The following PARP8 variants were observed in gnomAD, a reference collection of about 807,000 sequenced individuals.
The protein encoded by PARP8 is poly(ADP-ribose) polymerase family member 8.
In PARP8, 51 loss-of-function variants were observed where a neutral mutation model predicts 124.1. That is an observed-to-expected ratio of 0.41 (90% CI 0.33 to 0.52). The LOEUF (loss-of-function observed/expected upper bound fraction) is 0.52, where lower values mean the gene tolerates loss of function less well. PARP8 is among the 20% of genes least tolerant of loss of function. PARP8 has a pLI of 0.21. For missense variants in PARP8, 860 were observed against 1,018.9 expected, an observed-to-expected ratio of 0.84 and a Z score of 2.12; for synonymous variants, 391 against 361.5, an observed-to-expected ratio of 1.08 and a Z score of -0.93.
At chr5:50,730,935 G>A (rs748733867) in intron 2 of PARP8, among the ~76,000 whole-genome samples, 2 of 152,198 alleles carry the variant, frequency 1.3e-5, no homozygotes, top group Admixed American at 1.3e-4. Context: ...TGGCTCACAT[G>A]GGGCAGTAAC....
chr5:50,667,862 T>C (rs1028464869), intron 1 of PARP8: 115 of 1,424,554 alleles, frequency 8.1e-5, no homozygotes, highest in Non-Finnish European at 1.0e-4. Context: ...CACCCGGCAC[T>C]TGTTGCGGGG....
chr5:50,736,826 C>A (rs1321462738), intron 2 of PARP8, among the ~76,000 whole-genome samples: 3 of 151,928 alleles, frequency 2.0e-5, no homozygotes, highest in Non-Finnish European at 4.4e-5. Flanking sequence ...ATTCTTCATC[C>A]AAAACCAACC....
At chr5:50,732,650 G>A (rs932746150) in intron 2 of PARP8, among the ~76,000 whole-genome samples, 4 of 151,108 alleles carry the variant, frequency 2.6e-5, no homozygotes, top group East Asian at 2.0e-4. Flanking sequence ...ATGGAGTCTC[G>A]CTCTGTGGTC....
At chr5:50,815,072 G>T (rs570715178) in intron 14 of PARP8, among the ~76,000 whole-genome samples, 1 of 151,266 alleles carries the variant, frequency 6.6e-6, no homozygotes, top group African/African-American at 2.4e-5. Context: ...GCTCATTATT[G>T]TTATATCACC....
intron 2 of PARP8, among the ~76,000 whole-genome samples, chr5:50,692,623 C>T (rs889394946): frequency 2.0e-5 from 3 of 152,114 alleles, no homozygotes; most frequent in Non-Finnish European, 2.9e-5. Flanking sequence ...CTCATTTAGA[C>T]AACCCTACCT....
chr5:50,777,000 A>G (rs1040553864), intron 7 of PARP8, among the ~76,000 whole-genome samples: 7 of 152,154 alleles, frequency 4.6e-5, no homozygotes, highest in African/African-American at 1.4e-4. Context: ...GAATGTCGTA[A>G]TATTATCCAC....
Position 50,709,459 on chromosome 5 carries a change from T to C in PARP8, c.147-40692T>C, listed in dbSNP as rs1754495289. 2.0e-5 allele frequency among the ~76,000 whole-genome samples: 3 copies of C among 152,092 alleles called. No homozygotes were observed. The South Asian group carries it at 6.2e-4, about 32-fold the overall frequency. Reference sequence around the variant, plus strand: ...AGTTTCTTCTGTTCCTTTCACTGCTTCTGTTTCCTCCAAGTGTCATTTTTT... The same window carrying C: ...AGTTTCTTCTGTTCCTTTCACTGCTCCTGTTTCCTCCAAGTGTCATTTTTT... On this transcript the variant is annotated intron_variant, in intron 2 of 25. Coordinates refer to ENST00000281631, the MANE Select transcript of PARP8 (RefSeq NM_024615.4).
chr5:50,729,548 C>A (rs1209905193), intron 2 of PARP8, among the ~76,000 whole-genome samples: 7 of 152,106 alleles, frequency 4.6e-5, no homozygotes, highest in African/African-American at 1.7e-4. Context: ...ATAAAAGGAA[C>A]AGATAGATGG....
chr5:50,777,992 TAAATA>T (rs1740225335), intron 7 of PARP8, 72 bp from the exon 8 acceptor site: 1 of 1,101,348 alleles, frequency 9.1e-7, no homozygotes, highest in Non-Finnish European at 1.3e-6. Context: ...TTTAAAATTT[TAAATA>T]AAATAACCTA....
rs927223978 is a variant in PARP8, at chr5:50,832,933, T to A, written c.2307+79T>A. On this transcript the variant is annotated intron_variant, in intron 23 of 25. Coordinates refer to ENST00000281631, the MANE Select transcript of PARP8 (RefSeq NM_024615.4). ...GCCAGCAGAGCATGGAAAAATAGGC[T>A]TTTTAAGTCTGAAAAATTATTTAAT... The A allele has an allele frequency of 3.8e-6, 5 of 1,309,300 alleles. No individual in the cohort carries two copies. In the African/African-American group the frequency reaches 7.5e-5, roughly 20 times the overall value. 81.1% of individuals were successfully genotyped at this position (1,309,300 alleles called of 1,614,324 possible).
intron 2 of PARP8, among the ~76,000 whole-genome samples, chr5:50,678,346 G>T (rs1417611055): frequency 6.6e-6 from 1 of 152,066 alleles, no homozygotes; most frequent in Admixed American, 6.6e-5. Flanking sequence ...GTGTTTGTGT[G>T]TGTCTGTCAC....
chr5:50,713,579 TA>T (rs1338713415), intron 2 of PARP8, among the ~76,000 whole-genome samples: 2 of 152,082 alleles, frequency 1.3e-5, no homozygotes, highest in African/African-American at 4.8e-5. Flanking sequence ...ATTTTTTCAT[TA>T]ATCTGATAAT....
At chr5:50,682,220 A>C (rs114843718) in intron 2 of PARP8, among the ~76,000 whole-genome samples, 1,623 of 152,242 alleles carry the variant, frequency 0.011, 24 homozygotes, top group Non-Finnish European at 0.014. Context: ...TACATTCTCC[A>C]CTTTTCCTGA....
intron 16 of PARP8, among the ~76,000 whole-genome samples, 156 bp from the exon 17 acceptor site, chr5:50,822,179 A>T (rs1745832191): frequency 6.6e-6 from 1 of 152,158 alleles, no homozygotes; most frequent in South Asian, 2.1e-4. Flanking sequence ...ATCTTATTAT[A>T]GTCTTCCCTT....
chr5:50,835,213 G>C (rs1747432848), intron 25 of PARP8, among the ~76,000 whole-genome samples, 198 bp downstream of exon 25: 1 of 152,022 alleles, frequency 6.6e-6, no homozygotes, highest in African/African-American at 2.4e-5. Flanking sequence ...ACTTAGAAGA[G>C]CTCATGAAAA....
rs1362458989 is a variant in PARP8, at chr5:50,830,983, C to T, written c.2233+1022C>T. 2.0e-5 allele frequency among the ~76,000 whole-genome samples: 3 copies of T among 152,110 alleles called. No individual in the cohort carries two copies. In the East Asian group the frequency reaches 5.8e-4, roughly 29 times the overall value. On this transcript the variant is annotated intron_variant, in intron 22 of 25. Transcript: ENST00000281631. ...CCAGGTGAACATTAAAGAGAACTAC[C>T]TAATTTATTTACCAAAGTTCATGTT...
In PARP8 at chr5:50,755,262, A is replaced by C. The variant is rs190229510; in HGVS notation, c.185-4381A>C. Among the ~76,000 whole-genome samples, 273 of 152,294 alleles carry C rather than the reference A, an allele frequency of 1.8e-3. 1 individual carries two copies. The highest frequency in any genetic ancestry group is 6.2e-3 in the African/African-American group (259 of 41,560). On this transcript the variant is annotated intron_variant, in intron 3 of 25. Coordinates refer to ENST00000281631, the MANE Select transcript of PARP8 (RefSeq NM_024615.4). ...AGACATGAAGTCCTTGCCCATGTCT[A>C]TGTCCTGAATGATATTGCCTAGATT...
chr5:50,666,699 C>T lies in PARP8; in HGVS notation c.-397C>T, dbSNP rs1406806367. The T allele has an allele frequency of 4.0e-5, 9 of 223,238 alleles. No individual in the cohort carries two copies. The highest frequency in any genetic ancestry group is 7.1e-5 in the Non-Finnish European group (9 of 126,888). The allele number at this position is 223,238 out of a possible 1,614,324, so 13.8% of individuals were successfully genotyped here. A position where few individuals can be genotyped will look rare whatever the true frequency, so the allele number is the denominator to read the frequency against. On this transcript the variant is annotated 5_prime_UTR_variant, in exon 1 of 26. Coordinates refer to ENST00000281631, the MANE Select transcript of PARP8 (RefSeq NM_024615.4). ...GCGTGAGCCGGAGCGGGGCTCGCCC[C>T]TCGCCGGCGCCCGCCGCCCAGCCGG...
chr5:50,695,805 A>T (rs542381923), intron 2 of PARP8, among the ~76,000 whole-genome samples: 3 of 152,274 alleles, frequency 2.0e-5, no homozygotes, highest in Non-Finnish European at 4.4e-5. Context: ...AGTGTACCTG[A>T]ACAATGTTTT....
Sources: gnomAD v4.1 joint callset for allele counts (sites outside exome capture counted in the v4.1 genomes callset) on GRCh38, gnomAD v4.1.1 for gene constraint, MANE v1.5 for transcripts, NCBI Gene and HGNC (gene_info 2026-07-23, HGNC 2026-07-21) for gene names.